POC1B: variants seen among roughly 807,000 people sequenced by gnomAD.
POC1B encodes the protein POC1 centriolar protein homolog B.
POC1B carries 44 observed loss-of-function variants against 60.6 expected under a neutral mutation model. The observed-to-expected ratio is 0.73, with a 90% CI of 0.57 to 0.93. POC1B has a LOEUF of 0.93. Ranked by LOEUF, POC1B falls within the 40% of genes least tolerant of loss-of-function variation. The pLI, the probability that POC1B is intolerant of heterozygous loss-of-function variation, is 0.00. For missense variants in POC1B, 555 were observed against 572.3 expected (o/e 0.97, Z 0.31); for synonymous variants, 180 against 198.9 (o/e 0.90, Z 0.80).
At chr12:89,500,395 A>G in intron 2 of POC1B, 1 of 1,508,984 alleles carries the variant, frequency 6.6e-7, no homozygotes. Context: ...AGTTTGTTGT[A>G]GAACCAAGTG....
At chr12:89,414,654 T>G in the POC1B span, among the ~76,000 whole-genome samples, 1 of 152,250 alleles carries the variant, frequency 6.6e-6, no homozygotes. Context: ...AGCATATCAA[T>G]TATATAATTT....
chr12:89,435,001 A>T (rs1881193336), intron 10 of POC1B, among the ~76,000 whole-genome samples: 1 of 152,204 alleles, frequency 6.6e-6, no homozygotes, highest in Admixed American at 6.5e-5. Flanking sequence ...TTAAAAATCT[A>T]GTTCCATTGT....
intron 9 of POC1B, among the ~76,000 whole-genome samples, chr12:89,463,498 C>G (rs1448174686): frequency 6.6e-6 from 1 of 152,108 alleles, no homozygotes; most frequent in Non-Finnish European, 1.5e-5. Flanking sequence ...CAACTCATGA[C>G]AGTCTGAAGA....
chr12:89,524,922 C>CGGGCCGG, intron 2 of POC1B, 198 bp downstream of exon 2: 1 of 861,860 alleles, frequency 1.2e-6, no homozygotes, highest in Non-Finnish European at 1.7e-6. Flanking sequence ...GGCTCTTGGC[C>CGGGCCGG]GGGCCGGGGG....
chr12:89,411,195 C>T, the POC1B span, among the ~76,000 whole-genome samples: 1 of 152,188 alleles, frequency 6.6e-6, no homozygotes, highest in East Asian at 1.9e-4. Flanking sequence ...GCCATACTGC[C>T]TAAAGTAATT....
chr12:89,497,423 T>A, intron 2 of POC1B, 81 bp from the exon 3 acceptor site: 1 of 1,389,542 alleles, frequency 7.2e-7, no homozygotes, highest in Non-Finnish European at 9.9e-7. Context: ...GCAGCATATC[T>A]AATAACAAGG....
chr12:89,439,227 G>A (rs1881409374), intron 10 of POC1B, among the ~76,000 whole-genome samples: 1 of 152,198 alleles, frequency 6.6e-6, no homozygotes, highest in African/African-American at 2.4e-5. Flanking sequence ...CTGCATGCCT[G>A]ATTCCTATGA....
At chr12:89,416,590 G>A (rs1041326525), downstream of POC1B, among the ~76,000 whole-genome samples, 1 of 152,200 alleles carries the variant, frequency 6.6e-6, no homozygotes, top group African/African-American at 2.4e-5. Flanking sequence ...GGCCAGACAG[G>A]TAATGTTTAG....
chr12:89,416,227 A>G (rs1880361892), downstream of POC1B, among the ~76,000 whole-genome samples: 1 of 152,218 alleles, frequency 6.6e-6, no homozygotes, highest in Admixed American at 6.5e-5. Flanking sequence ...TGTACCAGAG[A>G]TAAGCACAGA....
At chr12:89,459,915 T>C (rs991211575) in intron 9 of POC1B, 197 bp from the exon 10 acceptor site, 1 of 504,700 alleles carries the variant, frequency 2.0e-6, no homozygotes, top group Admixed American at 3.5e-5. Flanking sequence ...AAGATCATTT[T>C]GGTAAGGTTG....
intron 2 of POC1B, chr12:89,524,433 G>A: frequency 6.2e-7 from 1 of 1,613,930 alleles, no homozygotes; most frequent in South Asian, 1.1e-5. Flanking sequence ...CCCTGGCACG[G>A]CCGGCTCCTG....
In POC1B at chr12:89,422,203, C is replaced by T. The variant is rs539107881; in HGVS notation, c.1333-946G>A. Among the ~76,000 whole-genome samples, 24 of 152,310 alleles carry T rather than the reference C, an allele frequency of 1.6e-4. No homozygotes were observed. The East Asian group carries it at 3.1e-3, about 20-fold the overall frequency. On this transcript the variant is annotated intron_variant, in intron 11 of 11. Coordinates refer to ENST00000313546, the MANE Select transcript of POC1B (RefSeq NM_172240.3). ...CCAGCCACCCCAGAGGAGCCTTCCA[C>T]GTGCCTACCACGACTTCCTTGCCCG...
At chr12:89,468,674 G>A (rs1882773715) in intron 7 of POC1B, among the ~76,000 whole-genome samples, 1 of 106,230 alleles carries the variant, frequency 9.4e-6, no homozygotes, top group Admixed American at 9.0e-5. Context: ...ACTTTTATTT[G>A]TTATGTTTAT....
chr12:89,409,345 A>G, the POC1B span, among the ~76,000 whole-genome samples: 4 of 152,228 alleles, frequency 2.6e-5, no homozygotes, highest in Non-Finnish European at 5.9e-5. Flanking sequence ...GTATATGGTT[A>G]GCCAGTTTTC....
intron 10 of POC1B, chr12:89,429,321 T>A (rs17016862): frequency 1.3e-5 from 2 of 152,206 alleles, no homozygotes; most frequent in African/African-American, 4.8e-5. Context: ...AACCTAGGTA[T>A]TAGCAGATAG....
At chr12:89,406,447 T>C in the POC1B span, among the ~76,000 whole-genome samples, 1 of 152,140 alleles carries the variant, frequency 6.6e-6, no homozygotes, top group African/African-American at 2.4e-5. Flanking sequence ...CTTAAGGCTC[T>C]ATGGTTTTGG....
intron 10 of POC1B, among the ~76,000 whole-genome samples, chr12:89,450,395 A>G (rs1430378409): frequency 6.6e-6 from 1 of 152,172 alleles, no homozygotes; most frequent in African/African-American, 2.4e-5. Context: ...TTTAGTAGAG[A>G]CAGGGTTTCG....
chr12:89,501,406 G>A (rs1205158108), intron 2 of POC1B: 14 of 1,000,390 alleles, frequency 1.4e-5, no homozygotes, highest in Non-Finnish European at 1.6e-5. Context: ...AGAACAGCTC[G>A]ATGTGGGACA....
the POC1B span, among the ~76,000 whole-genome samples, chr12:89,411,189 T>C: frequency 6.6e-6 from 1 of 152,234 alleles, no homozygotes; most frequent in South Asian, 2.1e-4. Context: ...ACAATGGCCA[T>C]ACTGCCTAAA....
Sources: gnomAD v4.1 joint callset for allele counts (sites outside exome capture counted in the v4.1 genomes callset) on GRCh38, gnomAD v4.1.1 for gene constraint, MANE v1.5 for transcripts, NCBI Gene and HGNC (gene_info 2026-07-23, HGNC 2026-07-21) for gene names.